The following WIPI2 variants were observed in gnomAD, a reference collection of about 807,000 sequenced individuals.
The protein encoded by WIPI2 is WD repeat domain phosphoinositide-interacting protein 2.
In WIPI2, 28 loss-of-function variants were observed where a neutral mutation model predicts 52.3. The ratio of observed to expected loss-of-function variants is 0.54; its 90% CI spans 0.40 to 0.73. WIPI2 has a LOEUF of 0.73. WIPI2 is among the 30% of genes least tolerant of loss of function. The pLI is 0.00. For synonymous variants in WIPI2, 268 were observed against 245.0 expected (o/e 1.09, Z -0.88); for missense variants, 506 against 602.9 (o/e 0.84, Z 1.68).
chr7:5,205,771 G>A (rs1782264579), intron 3 of WIPI2, among the ~76,000 whole-genome samples: 1 of 151,964 alleles, frequency 6.6e-6, no homozygotes, highest in African/African-American at 2.4e-5. Context: ...GCCTCCCAAA[G>A]TGCTGGGATT....
chr7:5,205,976 T>C (rs1325878720), intron 3 of WIPI2, among the ~76,000 whole-genome samples: 1 of 152,108 alleles, frequency 6.6e-6, no homozygotes, highest in Admixed American at 6.6e-5. Context: ...TAGCCATTTG[T>C]TAGGGGTTGC....
chr7:5,226,357 T>C (rs1000303225), intron 9 of WIPI2: 2 of 192,280 alleles, frequency 1.0e-5, no homozygotes, highest in Non-Finnish European at 2.2e-5. Context: ...ATGTGTAGCA[T>C]GAGGGGGGTC....
chr7:5,197,118 C>CAAAAAAAAAAAAAAAAAAAAA (rs869261081), intron 2 of WIPI2, among the ~76,000 whole-genome samples: 1 of 41,450 alleles, frequency 2.4e-5, no homozygotes, highest in African/African-American at 7.6e-5. Context: ...TCTCAAAAAA[C>CAAAAAAAAAAAAAAAAAAAAA]AAAAAAAAAA....
intron 11 of WIPI2, among the ~76,000 whole-genome samples, chr7:5,228,659 T>G (rs1408130066): frequency 6.6e-5 from 10 of 152,256 alleles, no homozygotes; most frequent in Non-Finnish European, 4.4e-5. Flanking sequence ...GGAGTTAACA[T>G]TTGTTCATTG....
Position 5,196,202 on chromosome 7 carries a change from G to A in WIPI2, c.128+3031G>A, listed in dbSNP as rs573157715. 7.2e-5 allele frequency among the ~76,000 whole-genome samples: 11 copies of A among 152,060 alleles called. No individual in the cohort carries two copies. The East Asian group carries it at 9.7e-4, about 13-fold the overall frequency. ...TAAATACAAAAAATTTGCTGGGCAC[G>A]GTGGTGCATGCCTCTAATCCCAGCT... On this transcript the variant is annotated intron_variant, in intron 2 of 12. Coordinates refer to ENST00000288828, the MANE Select transcript of WIPI2 (RefSeq NM_015610.4).
chr7:5,223,816 C>G (rs1164565586), intron 8 of WIPI2, among the ~76,000 whole-genome samples: 2 of 152,218 alleles, frequency 1.3e-5, no homozygotes, highest in Non-Finnish European at 2.9e-5. Context: ...CCGCCAGCAC[C>G]CTGGCACCCA....
At chr7:5,210,485 C>T (rs987628954) in intron 3 of WIPI2, among the ~76,000 whole-genome samples, 2 of 152,172 alleles carry the variant, frequency 1.3e-5, no homozygotes, top group Admixed American at 6.6e-5. Flanking sequence ...CCTTTGCTGA[C>T]CTTTGGCAGT....
rs1463095414 is a variant in WIPI2 at position 5,233,803 on chromosome 7, A to G, written c.*2856A>G. 1 of 152,272 alleles carries G rather than the reference A, an allele frequency of 6.6e-6. No individual in the cohort carries two copies. Among genetic ancestry groups the G allele is most frequent in the African/African-American group, 2.4e-5 (1 of 41,472 alleles). 9.4% of individuals were successfully genotyped at this position (152,272 alleles called of 1,614,324 possible). A position where few individuals can be genotyped will look rare whatever the true frequency, so the allele number is the denominator to read the frequency against. On this transcript the variant is annotated 3_prime_UTR_variant, in exon 13 of 13. Transcript: ENST00000288828. Reference sequence around the variant, plus strand: ...GTGCCCAGCCAGCGGTGGGCACCCAATAAACGCTACAACATAAATGTGTCT... The same window carrying G: ...GTGCCCAGCCAGCGGTGGGCACCCAGTAAACGCTACAACATAAATGTGTCT...
chr7:5,201,784 A>G (rs1782039626), intron 3 of WIPI2, among the ~76,000 whole-genome samples: 2 of 152,180 alleles, frequency 1.3e-5, no homozygotes, highest in African/African-American at 2.4e-5. Context: ...TTCCTGACCA[A>G]CATGGTAAGG....
intron 2 of WIPI2, among the ~76,000 whole-genome samples, chr7:5,198,438 C>T (rs1272029130): frequency 1.3e-5 from 2 of 152,128 alleles, no homozygotes; most frequent in Non-Finnish European, 2.9e-5. Flanking sequence ...CTCAGCCTCC[C>T]AAGTAGCTGG....
In WIPI2 at chr7:5,217,952, A is replaced by G. The variant is rs1192955375; in HGVS notation, c.607A>G (p.Ser203Gly). The change falls in exon 7 of 13, where the codon AGT becomes GGT. Residue 203 changes from serine to glycine, a missense_variant. By Grantham distance (56) the Ser-to-Gly change is moderately conservative. Coordinates refer to ENST00000288828, the MANE Select transcript of WIPI2 (RefSeq NM_015610.4). The part of the protein sequence containing the change: ...RAANMIPAHD[S>G]PLAALAFDAS... ...TGCAAACATGATTCCGGCTCACGACAGTCCTTTAGCGGCACTGGCCTTTGA... is the reference window on the plus strand; with the variant it reads ...TGCAAACATGATTCCGGCTCACGACGGTCCTTTAGCGGCACTGGCCTTTGA... 1.9e-6 allele frequency: 3 copies of G among 1,614,240 alleles called. No homozygotes were observed. The highest frequency in any genetic ancestry group is 2.5e-6 in the Non-Finnish European group (3 of 1,180,038).
intron 3 of WIPI2, among the ~76,000 whole-genome samples, chr7:5,205,474 C>G (rs1583555330): frequency 6.6e-6 from 1 of 152,250 alleles, no homozygotes; most frequent in South Asian, 2.1e-4. Flanking sequence ...TTCAGGAAGC[C>G]CATCCAGTTA....
At chr7:5,190,643 G>T in intron 1 of WIPI2, 150 bp downstream of exon 1, 1 of 733,110 alleles carries the variant, frequency 1.4e-6, no homozygotes, top group Non-Finnish European at 1.9e-6. Context: ...GCGGGCCCGG[G>T]GCGTGCAGGG....
At chr7:5,199,442 G>T (rs1781919154) in intron 2 of WIPI2, 134 bp from the exon 3 acceptor site, 6 of 694,780 alleles carry the variant, frequency 8.6e-6, no homozygotes. Flanking sequence ...AGTGTGAAAT[G>T]ATTTGCTCTG....
intron 2 of WIPI2, chr7:5,193,437 G>C: frequency 1.0e-6 from 1 of 980,500 alleles, no homozygotes; most frequent in Non-Finnish European, 1.4e-6. Flanking sequence ...TGTGTTTGTA[G>C]AATTGATGTT....
chr7:5,190,377 C>G lies in WIPI2; in HGVS notation c.-43C>G. On this transcript the variant is annotated 5_prime_UTR_variant, in exon 1 of 13. Coordinates refer to ENST00000288828, the MANE Select transcript of WIPI2 (RefSeq NM_015610.4). ...GAGTGCAGCCTGACCCGCCCTCGCGCGCGCGCCCTCCCCGGCCGGGCCCAC... is the reference window on the plus strand; with the variant it reads ...GAGTGCAGCCTGACCCGCCCTCGCGGGCGCGCCCTCCCCGGCCGGGCCCAC... The G allele has an allele frequency of 7.6e-7, 1 of 1,309,762 alleles. No homozygotes were observed. The highest frequency in any genetic ancestry group is 9.8e-7 in the Non-Finnish European group (1 of 1,024,484). The allele number at this position is 1,309,762 out of a possible 1,614,324, so 81.1% of individuals were successfully genotyped here. A position where few individuals can be genotyped will look rare whatever the true frequency, so the allele number is the denominator to read the frequency against.
At chr7:5,212,689 T>G (rs1307376958) in intron 3 of WIPI2, among the ~76,000 whole-genome samples, 1 of 152,220 alleles carries the variant, frequency 6.6e-6, no homozygotes, top group East Asian at 1.9e-4. Flanking sequence ...AGCTAATTTT[T>G]GTATTTTTTG....
rs1227420458 is a variant in WIPI2, at chr7:5,230,397, C to G, written c.1253-438C>G. The stretch of plus-strand genomic sequence containing the variant: ...TGAGCCACCTTCTTAAAAAAGCCAA[C>G]TCGCACTCCAGTGGGAGAGCCTGTG... On this transcript the variant is annotated intron_variant, in intron 12 of 12. Transcript: ENST00000288828. The surrounding 1 kb of genome is among the most constrained non-coding windows in gnomAD (Gnocchi z 4.8). Among the ~76,000 whole-genome samples the G allele has an allele frequency of 6.6e-6, 1 of 152,238 alleles. No homozygotes were observed. Among genetic ancestry groups the G allele is most frequent in the East Asian group, 1.9e-4 (1 of 5,200 alleles).
intron 7 of WIPI2, chr7:5,218,331 TA>T (rs1214904444): frequency 3.9e-6 from 1 of 254,866 alleles, no homozygotes; most frequent in Non-Finnish European, 7.7e-6. Flanking sequence ...CACATAACAG[TA>T]AAGAACCCAG....
Sources: allele counts gnomAD v4.1 joint callset (sites outside exome capture counted in the v4.1 genomes callset), GRCh38; gene constraint gnomAD v4.1.1; non-coding constraint Gnocchi (gnomAD v3.1); transcripts MANE v1.5; gene names NCBI Gene and HGNC (gene_info 2026-07-23, HGNC 2026-07-21).